TENT5D: variants seen among roughly 807,000 people sequenced by gnomAD.
TENT5D encodes the protein terminal nucleotidyltransferase 5D.
For synonymous variants in TENT5D, 103 were observed against 100.6 expected, an observed-to-expected ratio of 1.02 and a Z score of -0.15; for missense variants, 191 against 287.0, an observed-to-expected ratio of 0.67 and a Z score of 2.42.
At chrX:80,380,601 T>C (rs1179453490) in intron 3 of TENT5D, among the ~76,000 whole-genome samples, 2 of 111,307 alleles carry the variant, frequency 1.8e-5, no homozygotes, top group Admixed American at 1.9e-4. Flanking sequence ...TCTAAGTCTC[T>C]TTGTAGGTCT....
chrX:80,358,447 A>G (rs1274299158), intron 3 of TENT5D, among the ~76,000 whole-genome samples: 3 of 112,491 alleles, frequency 2.7e-5, no homozygotes, highest in Non-Finnish European at 5.6e-5. Flanking sequence ...CTAAAATGGA[A>G]TAAAAAGGAA....
chrX:80,420,736 T>A (rs1243663278), intron 1 of TENT5D, among the ~76,000 whole-genome samples, 173 bp downstream of exon 1: 1 of 112,417 alleles, frequency 8.9e-6, no homozygotes, highest in East Asian at 2.8e-4. Context: ...GTGGTAAAAC[T>A]GAACTCAGTT....
At chrX:80,347,865 G>A (rs1192372497) in intron 3 of TENT5D, among the ~76,000 whole-genome samples, 2 of 112,046 alleles carry the variant, frequency 1.8e-5, no homozygotes, top group Non-Finnish European at 3.8e-5. Flanking sequence ...TGTAAGGAAG[G>A]GGTCTGGTTT....
intron 3 of TENT5D, among the ~76,000 whole-genome samples, chrX:80,397,414 C>T (rs1429164339): frequency 1.9e-5 from 2 of 106,850 alleles, no homozygotes; most frequent in Non-Finnish European, 3.9e-5. Flanking sequence ...GATGGGATGG[C>T]GGCCGGGCAG....
chrX:80,404,985 G>T (rs1012640317), intron 3 of TENT5D, among the ~76,000 whole-genome samples: 1 of 111,855 alleles, frequency 8.9e-6, no homozygotes, highest in Admixed American at 9.5e-5. Flanking sequence ...GCAGTGCACA[G>T]AATATTGTTG....
chrX:80,400,971 A>G (rs756752777), intron 3 of TENT5D, among the ~76,000 whole-genome samples: 2 of 111,930 alleles, frequency 1.8e-5, no homozygotes, highest in South Asian at 7.4e-4. Context: ...TGGACTTTTT[A>G]TAGTGATTGC....
exon 3 of TENT5D, chrX:80,443,784 C>A: frequency 1.1e-6 from 1 of 906,600 alleles, no homozygotes; most frequent in Non-Finnish European, 1.5e-6. Context: ...ATGTAAAATT[C>A]AAGATCTGTT....
chrX:80,427,671 C>T (rs1325090387), intron 1 of TENT5D, among the ~76,000 whole-genome samples: 1 of 111,925 alleles, frequency 8.9e-6, no homozygotes, highest in African/African-American at 3.2e-5. Context: ...TAGGGTGGAA[C>T]CATTTAAGAA....
At chrX:80,442,844 A>T in exon 3 of TENT5D, 1 of 1,211,133 alleles carries the variant, frequency 8.3e-7, no homozygotes, top group Non-Finnish European at 1.1e-6. Flanking sequence ...GTTGTTAAAG[A>T]TGCAGTTCTA....
At chrX:80,437,491 T>C (rs1932204127) in intron 1 of TENT5D, among the ~76,000 whole-genome samples, 2 of 111,782 alleles carry the variant, frequency 1.8e-5, no homozygotes, top group Non-Finnish European at 3.8e-5. Flanking sequence ...TATTGAAGTA[T>C]ACTATTCAGG....
At chrX:80,342,797 AGTT>A (rs1281203287) in intron 3 of TENT5D, among the ~76,000 whole-genome samples, 1 of 111,971 alleles carries the variant, frequency 8.9e-6, no homozygotes, top group Non-Finnish European at 1.9e-5. Context: ...TTCAATAAGC[AGTT>A]GTTCAAATTT....
At chrX:80,408,529 T>C (rs1479278579) in intron 3 of TENT5D, among the ~76,000 whole-genome samples, 1 of 108,432 alleles carries the variant, frequency 9.2e-6, no homozygotes, top group Non-Finnish European at 1.9e-5. Flanking sequence ...ACACATACAC[T>C]CTCCCAAGAC....
chrX:80,390,950 C>T (rs912055603), intron 3 of TENT5D, among the ~76,000 whole-genome samples: 1 of 111,952 alleles, frequency 8.9e-6, no homozygotes, highest in South Asian at 3.7e-4. Context: ...ATCAGAGTTG[C>T]ATCTCTTAGA....
intron 3 of TENT5D, among the ~76,000 whole-genome samples, chrX:80,360,978 G>A (rs1027776060): frequency 9.0e-6 from 1 of 111,514 alleles, no homozygotes; most frequent in Non-Finnish European, 1.9e-5. Flanking sequence ...ATAGTGGTCA[G>A]GTGACTTGCC....
intron 3 of TENT5D, among the ~76,000 whole-genome samples, chrX:80,348,061 T>C (rs1414271562): frequency 8.9e-6 from 1 of 112,043 alleles, no homozygotes; most frequent in Non-Finnish European, 1.9e-5. Flanking sequence ...TATCATGCTG[T>C]TTTTGTTTTG....
At chrX:80,420,686 A>G (rs1018978958) in intron 1 of TENT5D, 123 bp downstream of exon 1, 1 of 112,278 alleles carries the variant, frequency 8.9e-6, no homozygotes, top group Non-Finnish European at 1.9e-5. Flanking sequence ...ATCTTTGAAA[A>G]TTATCTCTTT....
intron 3 of TENT5D, among the ~76,000 whole-genome samples, chrX:80,394,419 CAG>C (rs1373655300): frequency 1.8e-5 from 1 of 56,306 alleles, no homozygotes; most frequent in Admixed American, 2.9e-4. Flanking sequence ...TTTTTTGAGA[CAG>C]AGTTTCACTG....
At chrX:80,402,957 T>G (rs1431611533) in intron 3 of TENT5D, among the ~76,000 whole-genome samples, 1 of 112,057 alleles carries the variant, frequency 8.9e-6, no homozygotes, top group African/African-American at 3.2e-5. Context: ...CTGGATGATC[T>G]TTCCATGATT....
chrX:80,392,752 A>G (rs1423710564), intron 3 of TENT5D, among the ~76,000 whole-genome samples: 37 of 104,864 alleles, frequency 3.5e-4, no homozygotes, highest in South Asian at 4.5e-4. Flanking sequence ...TCCTGACCTC[A>G]TGATCCACCC....
Sources: allele counts gnomAD v4.1 joint callset (sites outside exome capture counted in the v4.1 genomes callset), GRCh38; gene constraint gnomAD v4.1.1; transcripts MANE v1.5; gene names NCBI Gene and HGNC (gene_info 2026-07-23, HGNC 2026-07-21).